The following DENND2B variants were observed in gnomAD, a reference collection of about 807,000 sequenced individuals.
DENND2B encodes DENN domain-containing protein 2B.
DENND2B carries 32 observed loss-of-function variants against 116.0 expected under a neutral mutation model. The ratio of observed to expected loss-of-function variants is 0.28; its 90% CI spans 0.21 to 0.37. DENND2B has a LOEUF of 0.37. Among genes scored for constraint, DENND2B ranks in the 10% least tolerant of loss-of-function variants. The pLI, the probability that DENND2B is intolerant of heterozygous loss-of-function variation, is 1.00. For synonymous variants in DENND2B, 588 were observed against 583.9 expected (o/e 1.01, Z -0.10); for missense variants, 1,276 against 1,477.7 (o/e 0.86, Z 2.24).
At chr11:8,790,212 C>A (rs373835412) in intron 1 of DENND2B, among the ~76,000 whole-genome samples, 9 of 152,298 alleles carry the variant, frequency 5.9e-5, no homozygotes, top group African/African-American at 1.7e-4. Context: ...GTACCAGCAC[C>A]ATTTCCTCTG....
chr11:8,833,060 G>A (rs1280301200), intron 4 of DENND2B, among the ~76,000 whole-genome samples: 2 of 152,230 alleles, frequency 1.3e-5, no homozygotes, highest in South Asian at 2.1e-4. Context: ...ACATCTTGAG[G>A]GAGGAGGGCA....
intron 13 of DENND2B, chr11:8,703,095 G>A (rs2042005923): frequency 4.6e-6 from 1 of 217,958 alleles, no homozygotes; most frequent in South Asian, 7.4e-5. Flanking sequence ...CCAGACAAAG[G>A]TCTAAGCCCC....
chr11:8,714,141 A>C, intron 7 of DENND2B, 99 bp from the exon 8 acceptor site: 3 of 1,245,908 alleles, frequency 2.4e-6, no homozygotes, highest in Non-Finnish European at 3.5e-6. Flanking sequence ...ATGGATCTCT[A>C]CCTTCTCTGG....
intron 4 of DENND2B, chr11:8,719,225 T>C (rs1415960027): frequency 6.1e-6 from 6 of 985,292 alleles, no homozygotes; most frequent in East Asian, 1.1e-4. Flanking sequence ...CCAATCCCTA[T>C]ATGCTTGCAG....
At chr11:8,835,201 G>A (rs898794247) in intron 4 of DENND2B, among the ~76,000 whole-genome samples, 5 of 152,128 alleles carry the variant, frequency 3.3e-5, no homozygotes, top group Admixed American at 6.5e-5. Context: ...CTGAGATCGC[G>A]CCACCACACT....
intron 1 of DENND2B, among the ~76,000 whole-genome samples, chr11:8,769,261 A>C (rs935049623): frequency 6.6e-6 from 1 of 150,774 alleles, no homozygotes; most frequent in African/African-American, 2.4e-5. Flanking sequence ...TTTTGAGACA[A>C]GAGTCTCACT....
chr11:8,730,611 T>C lies in DENND2B; in HGVS notation c.679A>G (p.Arg227Gly), dbSNP rs770070505. 2 of 1,613,044 alleles carry C rather than the reference T, an allele frequency of 1.2e-6. No individual in the cohort carries two copies. The highest frequency in any genetic ancestry group is 1.1e-5 in the South Asian group (1 of 91,088). Residue 227 changes from arginine to glycine, a missense_variant, in exon 3 of 20, where the codon AGG becomes GGG. Physicochemically the swap from Arg to Gly is moderately radical, Grantham distance 125 (BLOSUM62 -2). Coordinates refer to ENST00000313726, the MANE Select transcript of DENND2B (RefSeq NM_213618.2). The surrounding 1 kb of genome is among the most constrained non-coding windows in gnomAD (Gnocchi z 4.1). ...CACTCGGAGAAGGTCCTGCTCATCC[T>C]CCGGAGGCCCTTGAAATCAAAGGTC... ...EKTFDFKGLR[R>G]MSRTFSECSY...
intron 4 of DENND2B, chr11:8,830,938 A>C (rs1594150249): frequency 6.6e-6 from 1 of 152,414 alleles, no homozygotes; most frequent in East Asian, 1.9e-4. Flanking sequence ...CAAGACCAGT[A>C]GTCATCTTCT....
At chr11:8,752,100 T>C (rs2134056033) in intron 1 of DENND2B, among the ~76,000 whole-genome samples, 1 of 152,256 alleles carries the variant, frequency 6.6e-6, no homozygotes, top group South Asian at 2.1e-4. Flanking sequence ...ACGTGTGTGA[T>C]AATAAGTGTA....
Position 8,750,603 on chromosome 11 carries a change from A to G in DENND2B, c.80+18T>C, listed in dbSNP as rs920295229. 3.1e-6 allele frequency: 5 copies of G among 1,610,660 alleles called. No homozygotes were observed. The highest frequency in any genetic ancestry group is 4.2e-6 in the Non-Finnish European group (5 of 1,177,070). Reference sequence around the variant, plus strand: ...TAGGTCCCTTGATGCCACCTCCCACAAGTGCTCCCTTACCCACCTGCTCAG... The same window carrying G: ...TAGGTCCCTTGATGCCACCTCCCACGAGTGCTCCCTTACCCACCTGCTCAG... On this transcript the variant is annotated intron_variant, in intron 2 of 19. Coordinates refer to ENST00000313726, the MANE Select transcript of DENND2B (RefSeq NM_213618.2).
In DENND2B at chr11:8,901,210, C is replaced by CTTTCTTTTCTTTTCT. The variant is rs566458011; in HGVS notation, c.-256+9596_-256+9610dup. Among the ~76,000 whole-genome samples, 147 of 93,106 alleles carry CTTTCTTTTCTTTTCT rather than the reference C, an allele frequency of 1.6e-3. 1 individual carries two copies. The highest frequency in any genetic ancestry group is 5.2e-3 in the African/African-American group (128 of 24,786). 61.1% of individuals were successfully genotyped at this position (93,106 alleles called of 152,430 possible). Reference sequence around the variant, plus strand: ...TCTTCTTTTCCTAGTTTTTCTTTTTCTTTCTTTTCTTTTCTTTTCTTTTTT... The same window carrying CTTTCTTTTCTTTTCT: ...TCTTCTTTTCCTAGTTTTTCTTTTTCTTTCTTTTCTTTTCTTTTCTTTTCTTTTCTTTTCTTTTTT... On this transcript the variant is annotated intron_variant, in intron 1 of 22. Coordinates refer to the DENND2B transcript ENST00000534127.
chr11:8,718,009 G>C (rs1181260918), intron 4 of DENND2B, 117 bp from the exon 5 acceptor site: 1 of 1,213,564 alleles, frequency 8.2e-7, no homozygotes, highest in Non-Finnish European at 1.1e-6. Flanking sequence ...GCTTCTGCCT[G>C]GCCCCTCAGC....
chr11:8,793,880 T>C (rs907143829), intron 1 of DENND2B, among the ~76,000 whole-genome samples: 16 of 152,204 alleles, frequency 1.1e-4, no homozygotes, highest in African/African-American at 3.9e-4. Flanking sequence ...TTTCCATTTT[T>C]TTAAATTAAG....
chr11:8,723,863 A>C (rs948281091), intron 4 of DENND2B, among the ~76,000 whole-genome samples: 1 of 152,214 alleles, frequency 6.6e-6, no homozygotes, highest in Non-Finnish European at 1.5e-5. Flanking sequence ...GCTACATACT[A>C]TACGCTCTGT....
At chr11:8,841,774 A>G (rs1391501365) in intron 3 of DENND2B, among the ~76,000 whole-genome samples, 1 of 152,248 alleles carries the variant, frequency 6.6e-6, no homozygotes, top group Non-Finnish European at 1.5e-5. Context: ...CATGGACTAC[A>G]TGACATGGCA....
chr11:8,696,567 C>T lies in DENND2B; in HGVS notation c.3152G>A (p.Gly1051Glu). 1 of 1,614,222 alleles carries T rather than the reference C, an allele frequency of 6.2e-7. No homozygotes were observed. The highest frequency in any genetic ancestry group is 8.5e-7 in the Non-Finnish European group (1 of 1,180,048). ...GGCCTCTCGCTGAAAGGCCCTCTCT[C>T]CCTTCTCACTCTGTGTCAGAAAGAG... Reference protein sequence around the residue: ...YSLFLTQSEKGERAFQREAFR... With the variant: ...YSLFLTQSEKEERAFQREAFR... Residue 1051 changes from glycine to glutamate, a missense_variant, in exon 18 of 20, where the codon GGA (glycine) becomes GAA (glutamate). This residue lies in a region of DENND2B where 420 missense variants were observed against 631.1 expected (regional missense o/e 0.67). Transcript: ENST00000313726.
intron 1 of DENND2B, among the ~76,000 whole-genome samples, chr11:8,798,848 A>G (rs999447951): frequency 7.6e-6 from 1 of 131,152 alleles, no homozygotes; most frequent in African/African-American, 2.9e-5. Context: ...TTTTTTTTAG[A>G]CGGAGTTTCA....
intron 1 of DENND2B, among the ~76,000 whole-genome samples, chr11:8,890,431 T>C (rs2134742077): frequency 6.6e-6 from 1 of 152,132 alleles, no homozygotes; most frequent in African/African-American, 2.4e-5. Context: ...CTTCAGATGA[T>C]CAAACTTCTC....
In DENND2B at chr11:8,712,053, C is replaced by CAG. The variant is rs35289001; in HGVS notation, c.2172+496_2172+497dup. ...AGCACATTCCTGGCAGAGGCAATGG[C>CAG]AGAGAGAGAGGGGTTGAGTGTGAGA... On this transcript the variant is annotated intron_variant, in intron 9 of 19. Transcript: ENST00000313726. The surrounding 1 kb of genome is among the most constrained non-coding windows in gnomAD (Gnocchi z 4.4). The CAG allele has an allele frequency of 0.018, 8,106 of 452,444 alleles. 83 individuals carry two copies. The highest frequency in any genetic ancestry group is 0.028 in the Non-Finnish European group (6,280 of 225,210). The allele number at this position is 452,444 out of a possible 1,614,324, so 28.0% of individuals were successfully genotyped here.
Sources: gnomAD v4.1 joint callset for allele counts (sites outside exome capture counted in the v4.1 genomes callset) on GRCh38, gnomAD v4.1.1 for gene constraint, gnomAD v4.1.1 regional missense constraint, Gnocchi (gnomAD v3.1) non-coding constraint, MANE v1.5 for transcripts, NCBI Gene and HGNC (gene_info 2026-07-23, HGNC 2026-07-21) for gene names.